The following FOXP1 variants were observed in gnomAD, a reference collection of about 807,000 sequenced individuals.
FOXP1 encodes forkhead box P1.
FOXP1 carries 15 observed loss-of-function variants against 98.2 expected under a neutral mutation model. That is an observed-to-expected ratio of 0.15 (90% CI 0.10 to 0.24). The LOEUF is 0.24. FOXP1 is among the 10% of genes least tolerant of loss of function. The probability of loss-of-function intolerance (pLI) is 1.00; values close to 1 mark genes in which losing one functional copy is unlikely to be tolerated. For synonymous variants in FOXP1, 371 were observed against 314.5 expected (o/e 1.18, Z -1.90); for missense variants, 633 against 848.5 (o/e 0.75, Z 3.15).
At chr3:71,323,789 A>G (rs911508103) in intron 4 of FOXP1, among the ~76,000 whole-genome samples, 1 of 152,212 alleles carries the variant, frequency 6.6e-6, no homozygotes, top group South Asian at 2.1e-4. Context: ...TAGCAAAGAC[A>G]TGCACTTTAA....
intron 17 of FOXP1, among the ~76,000 whole-genome samples, chr3:70,973,476 A>G (rs940098487): frequency 1.1e-4 from 16 of 152,156 alleles, no homozygotes; most frequent in African/African-American, 3.4e-4. Context: ...TGAGACCCTT[A>G]ACATCGATAA....
chr3:71,198,180 C>T (rs760515678), intron 6 of FOXP1, 22 bp downstream of exon 6: 1 of 1,614,094 alleles, frequency 6.2e-7, no homozygotes, highest in African/African-American at 1.3e-5. Context: ...CCTCCACCTC[C>T]CAAGACTCCA....
chr3:71,462,052 T>C (rs775407194), intron 3 of FOXP1, among the ~76,000 whole-genome samples: 5 of 152,168 alleles, frequency 3.3e-5, no homozygotes, highest in African/African-American at 7.2e-5. Context: ...TACCTGGTGT[T>C]GATATTGTCT....
chr3:71,271,727 CAG>C (rs1288993276), intron 5 of FOXP1, among the ~76,000 whole-genome samples: 3 of 152,180 alleles, frequency 2.0e-5, no homozygotes, highest in Non-Finnish European at 2.9e-5. Flanking sequence ...TGCTTCCCTA[CAG>C]AGAGACAGAG....
At chr3:71,368,995 T>C (rs1454751926) in intron 3 of FOXP1, among the ~76,000 whole-genome samples, 2 of 152,214 alleles carry the variant, frequency 1.3e-5, no homozygotes, top group African/African-American at 4.8e-5. Flanking sequence ...GAAATACTTA[T>C]TTCTGCCCTC....
intron 9 of FOXP1, 83 bp from the exon 10 acceptor site, chr3:71,047,178 T>A: frequency 1.3e-6 from 2 of 1,503,160 alleles, no homozygotes; most frequent in Non-Finnish European, 1.9e-6. Flanking sequence ...CTCACCATCA[T>A]CATCAAATGC....
At chr3:71,367,229 GC>G (rs1236342904) in intron 3 of FOXP1, among the ~76,000 whole-genome samples, 1 of 152,092 alleles carries the variant, frequency 6.6e-6, no homozygotes, top group Non-Finnish European at 1.5e-5. Flanking sequence ...CTGCCTTTGC[GC>G]CTCCTCTCTC....
rs2069005651 is a variant in FOXP1, at chr3:71,260,298, G to A, written c.-12+39522C>T. ...GCGCCCGGCCAACACTTTCTAATAC[G>A]TAGGGAAGGCTCGGGGCGCGGGGGG... On this transcript the variant is annotated intron_variant, in intron 5 of 20. Transcript: ENST00000649528. 3.9e-5 allele frequency among the ~76,000 whole-genome samples: 6 copies of A among 151,934 alleles called. No individual in the cohort carries two copies. The South Asian group carries it at 8.3e-4, about 21-fold the overall frequency.
chr3:70,991,944 T>G (rs2040667370), intron 13 of FOXP1, among the ~76,000 whole-genome samples: 2 of 152,190 alleles, frequency 1.3e-5, no homozygotes, highest in Admixed American at 1.3e-4. Flanking sequence ...CCTGCTCTCA[T>G]GCTGAACTAC....
chr3:71,510,769 T>G (rs2042149397), intron 2 of FOXP1, among the ~76,000 whole-genome samples: 1 of 152,238 alleles, frequency 6.6e-6, no homozygotes. Context: ...GGACGGAAAG[T>G]GTTCATTCCT....
intron 2 of FOXP1, among the ~76,000 whole-genome samples, chr3:71,510,399 C>T (rs1015565637): frequency 1.3e-5 from 2 of 152,080 alleles, no homozygotes; most frequent in South Asian, 2.1e-4. Context: ...ATCGCTTGAA[C>T]CCAGGAGGCA....
At chr3:71,458,681 T>G (rs2087731254) in intron 3 of FOXP1, among the ~76,000 whole-genome samples, 2 of 152,236 alleles carry the variant, frequency 1.3e-5, no homozygotes, top group African/African-American at 4.8e-5. Flanking sequence ...AGCATTTATT[T>G]CTTTAGCTGG....
chr3:71,243,209 C>T (rs2067433879), intron 5 of FOXP1, among the ~76,000 whole-genome samples: 1 of 152,218 alleles, frequency 6.6e-6, no homozygotes, highest in Admixed American at 6.5e-5. Context: ...GAACCTTCCA[C>T]TCAGATGTGT....
At chr3:71,127,297 T>G (rs1377961344) in intron 6 of FOXP1, among the ~76,000 whole-genome samples, 2 of 152,210 alleles carry the variant, frequency 1.3e-5, no homozygotes, top group African/African-American at 4.8e-5. Flanking sequence ...ACCGCTGACT[T>G]AACTTTGCAG....
chr3:71,504,748 G>C (rs1031953443), intron 2 of FOXP1, among the ~76,000 whole-genome samples: 24 of 152,152 alleles, frequency 1.6e-4, no homozygotes, highest in African/African-American at 4.8e-4. Flanking sequence ...AGCCCAAGTG[G>C]TGACATTTCT....
intron 3 of FOXP1, among the ~76,000 whole-genome samples, chr3:71,390,590 T>TG (rs1318213318): frequency 1.2e-3 from 47 of 40,730 alleles, no homozygotes; most frequent in Middle Eastern, 0.011. Flanking sequence ...GGAGGGGGGT[T>TG]GGGGGGGGCA....
chr3:71,131,261 A>G (rs950375270), intron 6 of FOXP1, among the ~76,000 whole-genome samples: 1 of 151,942 alleles, frequency 6.6e-6, no homozygotes, highest in Admixed American at 6.6e-5. Flanking sequence ...ACACTCCTTA[A>G]CCCGCCCCAA....
intron 7 of FOXP1, among the ~76,000 whole-genome samples, chr3:71,097,900 T>G (rs1440678616): frequency 6.6e-6 from 1 of 152,218 alleles, no homozygotes; most frequent in African/African-American, 2.4e-5. Context: ...CTGGAAATGC[T>G]TGCCACTGGG....
chr3:71,142,283 A>G (rs537006500), intron 6 of FOXP1, among the ~76,000 whole-genome samples: 1 of 152,308 alleles, frequency 6.6e-6, no homozygotes, highest in Admixed American at 6.5e-5. Flanking sequence ...TTCTCAGGTG[A>G]CCCTTACATT....
Sources: allele counts gnomAD v4.1 joint callset (sites outside exome capture counted in the v4.1 genomes callset), GRCh38; gene constraint gnomAD v4.1.1; transcripts MANE v1.5; gene names NCBI Gene and HGNC (gene_info 2026-07-23, HGNC 2026-07-21).